Variants in PALLD observed in about 807,000 individuals in gnomAD.
PALLD encodes palladin, cytoskeletal associated protein, also known as palladin.
A neutral mutation model predicts 123.5 loss-of-function variants in PALLD; 61 were observed. That is an observed-to-expected ratio of 0.49 (90% CI 0.40 to 0.61). The LOEUF (loss-of-function observed/expected upper bound fraction) is 0.61, where lower values mean the gene tolerates loss of function less well. Among genes scored for constraint, PALLD ranks in the 20% least tolerant of loss-of-function variants. The pLI is 0.00. For synonymous variants in PALLD, 465 were observed against 496.4 expected, an observed-to-expected ratio of 0.94 and a Z score of 0.84; for missense variants, 1,273 against 1,377.0, an observed-to-expected ratio of 0.92 and a Z score of 1.20.
intron 10 of PALLD, among the ~76,000 whole-genome samples, chr4:168,870,461 C>A (rs766774713): frequency 6.6e-6 from 1 of 152,172 alleles, no homozygotes; most frequent in Non-Finnish European, 1.5e-5. Context: ...ATCTGCCTCT[C>A]GAATGCCTTT....
In PALLD at chr4:168,677,179, T is replaced by G. The variant is rs936421174; in HGVS notation, c.1088-4153T>G. ...TAACCTGAGACTCCGTAGTGTTGTTTTTTTTTTTTTCTCCTGACCAGCAGG... is the reference window on the plus strand; with the variant it reads ...TAACCTGAGACTCCGTAGTGTTGTTGTTTTTTTTTTCTCCTGACCAGCAGG... On this transcript the variant is annotated intron_variant, in intron 3 of 21. Coordinates refer to ENST00000505667, the MANE Select transcript of PALLD (RefSeq NM_001166108.2). 5.4e-4 allele frequency among the ~76,000 whole-genome samples: 82 copies of G among 151,878 alleles called. 1 individual carries two copies. The highest frequency in any genetic ancestry group is 2.2e-3 in the Admixed American group (34 of 15,254).
At chr4:168,763,667 A>T (rs1168857825) in intron 10 of PALLD, among the ~76,000 whole-genome samples, 1 of 152,168 alleles carries the variant, frequency 6.6e-6, no homozygotes, top group Non-Finnish European at 1.5e-5. Context: ...TTCTACTCTG[A>T]GTGAGTTAAG....
intron 2 of PALLD, among the ~76,000 whole-genome samples, chr4:168,520,327 CAAAAA>C (rs1554034658): frequency 9.8e-6 from 1 of 101,590 alleles, no homozygotes; most frequent in East Asian, 3.3e-4. Context: ...ATTCCGTCAC[CAAAAA>C]AAAAAAAAAA....
intron 10 of PALLD, among the ~76,000 whole-genome samples, chr4:168,761,911 A>G (rs1175871611): frequency 6.6e-6 from 1 of 151,934 alleles, no homozygotes; most frequent in African/African-American, 2.4e-5. Context: ...CTAATGAACC[A>G]TGTTTAAGTT....
chr4:168,868,881 A>G (rs977424044), intron 10 of PALLD, among the ~76,000 whole-genome samples: 20 of 152,204 alleles, frequency 1.3e-4, no homozygotes, highest in African/African-American at 4.1e-4. Context: ...CCTAGAGATG[A>G]CTGAAGTTCT....
chr4:168,754,549 T>C (rs1731510914), intron 10 of PALLD, among the ~76,000 whole-genome samples: 1 of 152,230 alleles, frequency 6.6e-6, no homozygotes, highest in African/African-American at 2.4e-5. Context: ...TTATTTTCCA[T>C]TCTGGTGCTT....
chr4:168,550,812 G>T (rs150270790), intron 2 of PALLD, among the ~76,000 whole-genome samples: 44 of 152,248 alleles, frequency 2.9e-4, no homozygotes, highest in African/African-American at 9.9e-4. Flanking sequence ...TTGCTTTTCA[G>T]TTTGATACTC....
intron 10 of PALLD, among the ~76,000 whole-genome samples, chr4:168,768,451 G>A (rs1234936388): frequency 6.6e-6 from 1 of 152,146 alleles, no homozygotes; most frequent in African/African-American, 2.4e-5. Context: ...GAAGGATAGA[G>A]GGAAGAAACA....
At chr4:168,718,175 G>A (rs7670597) in intron 10 of PALLD, among the ~76,000 whole-genome samples, 55,872 of 152,002 alleles carry the variant, frequency 0.37, 10,774 homozygotes, top group Non-Finnish European at 0.43. Flanking sequence ...ACATTATCCC[G>A]TCCTTCAACC....
intron 10 of PALLD, among the ~76,000 whole-genome samples, chr4:168,741,777 A>G (rs925875898): frequency 6.6e-6 from 1 of 152,208 alleles, no homozygotes; most frequent in Non-Finnish European, 1.5e-5. Flanking sequence ...GACCTAGAAC[A>G]TGAGTGCCTC....
At chr4:168,636,824 A>G (rs997952280) in intron 2 of PALLD, among the ~76,000 whole-genome samples, 3 of 152,162 alleles carry the variant, frequency 2.0e-5, no homozygotes, top group African/African-American at 7.2e-5. Flanking sequence ...GGAGTGAGAA[A>G]GAAACGAGGA....
intron 18 of PALLD, among the ~76,000 whole-genome samples, chr4:168,923,803 T>C (rs1251877779): frequency 6.6e-6 from 1 of 152,212 alleles, no homozygotes; most frequent in Non-Finnish European, 1.5e-5. Context: ...ATATTCAGAA[T>C]ATTCATGGCA....
At chr4:168,809,129 A>G (rs1347693080) in intron 10 of PALLD, among the ~76,000 whole-genome samples, 1 of 152,152 alleles carries the variant, frequency 6.6e-6, no homozygotes, top group African/African-American at 2.4e-5. Context: ...TTTACAGGGA[A>G]TGGTCTATGA....
At chr4:168,700,548 G>A (rs1424986532) in intron 8 of PALLD, 1 of 152,194 alleles carries the variant, frequency 6.6e-6, no homozygotes, top group African/African-American at 2.4e-5. Flanking sequence ...TACAAAGCAA[G>A]TGTTTTTTTC....
intron 2 of PALLD, 85 bp downstream of exon 2, chr4:168,512,497 T>A: frequency 1.6e-6 from 2 of 1,246,416 alleles, no homozygotes; most frequent in South Asian, 2.6e-5. Flanking sequence ...ATTTCCTGTG[T>A]CATTAGCCCT....
intron 15 of PALLD, among the ~76,000 whole-genome samples, chr4:168,906,529 T>A (rs940472753): frequency 6.6e-6 from 1 of 152,086 alleles, no homozygotes; most frequent in African/African-American, 2.4e-5. Flanking sequence ...CTGCTGAAAA[T>A]CTCCCTTGGA....
intron 10 of PALLD, among the ~76,000 whole-genome samples, chr4:168,884,192 A>C (rs1753026261): frequency 6.6e-6 from 1 of 152,164 alleles, no homozygotes; most frequent in African/African-American, 2.4e-5. Context: ...TTTTATTTCT[A>C]ACTCTCACCT....
At chr4:168,923,946 CACA>C (rs1762086545) in intron 18 of PALLD, among the ~76,000 whole-genome samples, 1 of 152,072 alleles carries the variant, frequency 6.6e-6, no homozygotes, top group South Asian at 2.1e-4. Context: ...GTGAAGCCAT[CACA>C]GATGCTAGCA....
Position 168,928,056 on chromosome 4 carries a change from A to G in PALLD, c.*1876A>G. 1 of 195,666 alleles carries G rather than the reference A, an allele frequency of 5.1e-6. No individual in the cohort carries two copies. 12.1% of individuals were successfully genotyped at this position (195,666 alleles called of 1,614,324 possible). A position where few individuals can be genotyped will look rare whatever the true frequency, so the allele number is the denominator to read the frequency against. On this transcript the variant is annotated 3_prime_UTR_variant, in exon 22 of 22. Transcript: ENST00000505667. ...CAGCTTTCTACTTCTTTGTAAGAAC[A>G]CCAACCAACCAAGGTTTAAGTGATT...
Sources: allele counts gnomAD v4.1 joint callset (sites outside exome capture counted in the v4.1 genomes callset), GRCh38; gene constraint gnomAD v4.1.1; transcripts MANE v1.5; gene names NCBI Gene and HGNC (gene_info 2026-07-23, HGNC 2026-07-21).